Variants in STIM1 observed in about 807,000 individuals in gnomAD.
The protein encoded by STIM1 is stromal interaction molecule 1.
A neutral mutation model predicts 74.7 loss-of-function variants in STIM1; 25 were observed. That is an observed-to-expected ratio of 0.33 (90% CI 0.24 to 0.47). The LOEUF (loss-of-function observed/expected upper bound fraction) is 0.47, where lower values mean the gene tolerates loss of function less well. Among genes scored for constraint, STIM1 ranks in the 20% least tolerant of loss-of-function variants. STIM1 has a pLI of 1.00. For synonymous variants in STIM1, 328 were observed against 348.8 expected (o/e 0.94, Z 0.66); for missense variants, 728 against 920.8 (o/e 0.79, Z 2.71).
At chr11:4,043,421 C>G (rs934219127) in intron 3 of STIM1, among the ~76,000 whole-genome samples, 2 of 152,152 alleles carry the variant, frequency 1.3e-5, no homozygotes, top group African/African-American at 2.4e-5. Context: ...TACCTCCCCC[C>G]TTTACCTCCG....
intron 3 of STIM1, among the ~76,000 whole-genome samples, chr11:4,054,326 A>T (rs2094270289): frequency 6.6e-6 from 1 of 152,172 alleles, no homozygotes; most frequent in Admixed American, 6.5e-5. Context: ...ATGGTAGTCA[A>T]GACTCTTTGT....
intron 2 of STIM1, among the ~76,000 whole-genome samples, chr11:4,005,379 T>C (rs2093767583): frequency 6.6e-6 from 1 of 152,154 alleles, no homozygotes. Context: ...GTGGCACATA[T>C]ACACCATGGC....
chr11:3,868,238 T>G (rs2090943347), intron 1 of STIM1: 1 of 152,204 alleles, frequency 6.6e-6, no homozygotes, highest in Non-Finnish European at 1.5e-5. Context: ...TCTGAAGAGA[T>G]AAATATGTAA....
intron 12 of STIM1, chr11:4,088,583 G>T (rs1032683919): frequency 3.3e-6 from 3 of 897,508 alleles, no homozygotes; most frequent in Non-Finnish European, 5.3e-6. Flanking sequence ...GACACTAAGG[G>T]ATGCTGTGAA....
rs1429332329 is a variant in STIM1, at chr11:3,894,368, C to A, written c.139+37959C>A. Among the ~76,000 whole-genome samples, 4 of 152,114 alleles carry A rather than the reference C, an allele frequency of 2.6e-5. No individual in the cohort carries two copies. In the East Asian group the frequency reaches 7.7e-4, roughly 29 times the overall value. On this transcript the variant is annotated intron_variant, in intron 1 of 12. Transcript: ENST00000526596. Reference sequence around the variant, plus strand: ...ATTGGTGGACTGTCTTACCCTAGAGCCAGGCTTCAGGCTTGGGGGCGGGAG... The same window carrying A: ...ATTGGTGGACTGTCTTACCCTAGAGACAGGCTTCAGGCTTGGGGGCGGGAG...
intron 2 of STIM1, among the ~76,000 whole-genome samples, chr11:3,992,422 A>T (rs1031963387): frequency 2.0e-5 from 3 of 152,108 alleles, no homozygotes; most frequent in East Asian, 1.9e-4. Flanking sequence ...TCAAAAAAAA[A>T]TTTAAATAAA....
At chr11:3,915,277 A>G (rs1278380883) in intron 1 of STIM1, among the ~76,000 whole-genome samples, 1 of 152,026 alleles carries the variant, frequency 6.6e-6, no homozygotes, top group African/African-American at 2.4e-5. Flanking sequence ...TTTTTTAGAG[A>G]CGAGATTTTG....
At chr11:3,879,041 C>T (rs543215385) in intron 1 of STIM1, among the ~76,000 whole-genome samples, 8 of 152,168 alleles carry the variant, frequency 5.3e-5, no homozygotes, top group East Asian at 1.9e-4. Flanking sequence ...CTGCAACCTC[C>T]GCCTCCCGGG....
At chr11:4,007,885 G>T (rs1306818361) in intron 2 of STIM1, among the ~76,000 whole-genome samples, 1 of 152,108 alleles carries the variant, frequency 6.6e-6, no homozygotes, top group Non-Finnish European at 1.5e-5. Context: ...AGCAGCTCTG[G>T]CAGACTGTTG....
intron 1 of STIM1, among the ~76,000 whole-genome samples, chr11:3,938,233 C>T (rs187040041): frequency 1.8e-4 from 28 of 152,220 alleles, no homozygotes; most frequent in African/African-American, 6.3e-4. Context: ...CCACCGCGCC[C>T]GGCCTGTTAG....
intron 3 of STIM1, among the ~76,000 whole-genome samples, chr11:4,048,301 A>C (rs1039791403): frequency 6.6e-6 from 1 of 152,258 alleles, no homozygotes; most frequent in Non-Finnish European, 1.5e-5. Flanking sequence ...TGCAGTGCTG[A>C]CTTAAATTAT....
rs140080199 is a variant in STIM1 at position 4,091,668 on chromosome 11, G to A, written c.2021G>A (p.Arg674His). The A allele has an allele frequency of 7.2e-4, 1,158 of 1,614,202 alleles. 5 individuals are homozygous for A. The highest frequency in any genetic ancestry group is 2.5e-3 in the South Asian group (229 of 91,084). Residue 674 changes from arginine to histidine, a missense_variant, in exon 13 of 13, where the codon CGC (arginine) becomes CAC (histidine). By Grantham distance (29) the Arg-to-His change is conservative. Around this residue, in one of 5 missense-constraint regions of STIM1, gnomAD observed 352 missense variants for 370.1 expected, o/e 0.95. Coordinates refer to ENST00000526596, the MANE Select transcript of STIM1 (RefSeq NM_001382567.1). ...SRALQASRNTRIPHLAGKKAV... is the reference protein window; with the variant it reads ...SRALQASRNTHIPHLAGKKAV... ...GCCCTGCAAGCCAGCCGAAACACAC[G>A]CATTCCCCACCTGGCTGGCAAGAAG...
chr11:4,036,502 A>G (rs1017079774), intron 3 of STIM1, among the ~76,000 whole-genome samples: 2 of 152,114 alleles, frequency 1.3e-5, no homozygotes, highest in Non-Finnish European at 2.9e-5. Flanking sequence ...TTTCTCTGCA[A>G]CCTTGCCAGC....
At position 4,002,500 on chromosome 11, in the gene STIM1, CGAAAT is replaced by C. The variant is rs771113600; in HGVS notation, c.271-21369_271-21365del. Among the ~76,000 whole-genome samples the C allele has an allele frequency of 3.3e-5, 5 of 150,378 alleles. No individual in the cohort carries two copies. In the East Asian group the frequency reaches 5.9e-4, roughly 18 times the overall value. The stretch of plus-strand genomic sequence containing the variant: ...CCCTGAATGACTACTGGGTACATAA[CGAAAT>C]GAAGGCAGAAATAAAGATGTTCTTT... On this transcript the variant is annotated intron_variant, in intron 2 of 12. Coordinates refer to ENST00000526596, the MANE Select transcript of STIM1 (RefSeq NM_001382567.1).
At chr11:3,886,662 TG>T (rs1452294323) in intron 1 of STIM1, among the ~76,000 whole-genome samples, 7 of 119,786 alleles carry the variant, frequency 5.8e-5, no homozygotes, top group East Asian at 2.4e-4. Context: ...CACTCCAGCC[TG>T]GGTGACAGAG....
chr11:3,983,329 GCTAA>G (rs2135809662), intron 2 of STIM1, among the ~76,000 whole-genome samples: 1 of 152,368 alleles, frequency 6.6e-6, no homozygotes, highest in Non-Finnish European at 1.5e-5. Context: ...TCCGTGGTTA[GCTAA>G]CTGACAGCGA....
chr11:3,946,713 C>T (rs1358056717), intron 1 of STIM1, among the ~76,000 whole-genome samples: 1 of 152,100 alleles, frequency 6.6e-6, no homozygotes, highest in Non-Finnish European at 1.5e-5. Context: ...ATTATGTTTC[C>T]TGACCTGCTA....
intron 3 of STIM1, among the ~76,000 whole-genome samples, chr11:4,051,465 C>T (rs867770077): frequency 1.1e-4 from 17 of 151,808 alleles, no homozygotes; most frequent in South Asian, 8.3e-4. Context: ...GCCTCAGCCT[C>T]CCGAGTAGCT....
chr11:3,893,070 C>T (rs560130142), intron 1 of STIM1, among the ~76,000 whole-genome samples: 2 of 152,356 alleles, frequency 1.3e-5, no homozygotes, highest in Non-Finnish European at 2.9e-5. Context: ...CTTTGTGGAA[C>T]AGGCTGCCTT....
Sources: gnomAD v4.1 joint callset for allele counts (sites outside exome capture counted in the v4.1 genomes callset) on GRCh38, gnomAD v4.1.1 for gene constraint, gnomAD v4.1.1 regional missense constraint, MANE v1.5 for transcripts, NCBI Gene and HGNC (gene_info 2026-07-23, HGNC 2026-07-21) for gene names.